The following USP48 variants were observed in gnomAD, a reference collection of about 807,000 sequenced individuals.
USP48 encodes ubiquitin specific peptidase 48.
USP48 carries 43 observed loss-of-function variants against 150.7 expected under a neutral mutation model. The observed-to-expected ratio is 0.29, with a 90% CI of 0.22 to 0.37. The LOEUF is 0.37. Among genes scored for constraint, USP48 ranks in the 10% least tolerant of loss-of-function variants. USP48 has a pLI of 1.00. For missense variants in USP48, 813 were observed against 1,249.6 expected (o/e 0.65, Z 5.27); for synonymous variants, 396 against 425.9 (o/e 0.93, Z 0.86).
At chr1:21,708,456 C>T (rs1467999434) in intron 15 of USP48, among the ~76,000 whole-genome samples, 1 of 152,064 alleles carries the variant, frequency 6.6e-6, no homozygotes, top group Admixed American at 6.5e-5. Flanking sequence ...CAAGATTGTG[C>T]CATTCCACTC....
intron 1 of USP48, among the ~76,000 whole-genome samples, chr1:21,780,556 A>T (rs2097911707): frequency 6.6e-6 from 1 of 152,016 alleles, no homozygotes; most frequent in South Asian, 2.1e-4. Context: ...TGTATTTCCC[A>T]GGTATTTTTT....
intron 15 of USP48, among the ~76,000 whole-genome samples, chr1:21,708,976 C>T (rs943284307): frequency 1.3e-5 from 2 of 151,158 alleles, no homozygotes; most frequent in African/African-American, 4.9e-5. Context: ...GTGGCACGAT[C>T]ATAGCTCACT....
At chr1:21,716,526 CTGCAGT>C in intron 14 of USP48, among the ~76,000 whole-genome samples, 1 of 152,316 alleles carries the variant, frequency 6.6e-6, no homozygotes, top group Non-Finnish European at 1.5e-5. Flanking sequence ...TATTTTCAGA[CTGCAGT>C]TCACTGCAGG....
intron 8 of USP48, among the ~76,000 whole-genome samples, chr1:21,741,519 TA>T (rs2097781658): frequency 6.6e-6 from 1 of 152,230 alleles, no homozygotes; most frequent in Non-Finnish European, 1.5e-5. Flanking sequence ...AGACCCTTAC[TA>T]AAAGAATTTT....
At chr1:21,752,338 C>T (rs988448636) in intron 5 of USP48, among the ~76,000 whole-genome samples, 189 bp downstream of exon 5, 2 of 152,194 alleles carry the variant, frequency 1.3e-5, no homozygotes, top group African/African-American at 4.8e-5. Context: ...TTCCTAACAC[C>T]TGGATGGGTG....
At chr1:21,705,869 C>A in intron 18 of USP48, 32 bp from the exon 19 acceptor site, 2 of 1,486,734 alleles carry the variant, frequency 1.3e-6, no homozygotes, top group South Asian at 2.5e-5. Context: ...GAGAAATATA[C>A]CTAATTACTG....
chr1:21,683,722 A>G (rs1008270002), intron 25 of USP48, among the ~76,000 whole-genome samples: 1 of 152,164 alleles, frequency 6.6e-6, no homozygotes, highest in Admixed American at 6.5e-5. Flanking sequence ...ACCCTACTGT[A>G]CTACTGAATA....
chr1:21,708,901 AAGAAAGAAAAGAAAAG>A (rs1557465830), intron 15 of USP48, among the ~76,000 whole-genome samples: 1 of 59,728 alleles, frequency 1.7e-5, no homozygotes. Flanking sequence ...AAAAAAAAAA[AAGAAAGAAAAGAAAAG>A]AAAAGAAAAG....
intron 12 of USP48, 80 bp downstream of exon 12, chr1:21,723,818 A>G: frequency 7.7e-7 from 1 of 1,299,112 alleles, no homozygotes; most frequent in Non-Finnish European, 1.1e-6. Context: ...TCAAATCATC[A>G]TAAGCCACAC....
At chr1:21,778,938 T>C (rs903132495) in intron 1 of USP48, among the ~76,000 whole-genome samples, 6 of 151,866 alleles carry the variant, frequency 4.0e-5, no homozygotes, top group African/African-American at 1.4e-4. Context: ...TCCGCCACCA[T>C]GCCCGGCTAA....
chr1:21,761,160 T>A (rs2097849054), intron 1 of USP48, among the ~76,000 whole-genome samples: 1 of 152,202 alleles, frequency 6.6e-6, no homozygotes, highest in African/African-American at 2.4e-5. Flanking sequence ...CCATGTTTTT[T>A]ATTTACAAAT....
intron 3 of USP48, 110 bp downstream of exon 3, chr1:21,756,436 G>C (rs1377492544): frequency 7.8e-7 from 1 of 1,290,292 alleles, no homozygotes; most frequent in East Asian, 2.7e-5. Flanking sequence ...AACCGAGATG[G>C]CGCCACTTCA....
chr1:21,689,132 G>A (rs2097588907), intron 24 of USP48, among the ~76,000 whole-genome samples: 1 of 150,864 alleles, frequency 6.6e-6, no homozygotes, highest in Admixed American at 6.6e-5. Flanking sequence ...GAAAAACTAT[G>A]AAAATCTCAG....
intron 15 of USP48, 57 bp downstream of exon 15, chr1:21,715,332 A>G (rs1053218619): frequency 7.3e-7 from 1 of 1,368,870 alleles, no homozygotes; most frequent in Non-Finnish European, 1.0e-6. Context: ...CAGGCAGTAG[A>G]AGCTAAAAGT....
chr1:21,748,305 G>A lies in USP48; in HGVS notation c.775-34C>T, dbSNP rs756856836. The A allele has an allele frequency of 7.0e-6, 11 of 1,576,348 alleles. No individual in the cohort carries two copies. The South Asian group carries it at 1.2e-4, about 17-fold the overall frequency. On this transcript the variant is annotated intron_variant, in intron 6 of 26. Coordinates refer to ENST00000308271, the MANE Select transcript of USP48 (RefSeq NM_032236.8). ...GAATAAGACATATTAATTTTAAAAAGAAGATGGGTTTAAAACAAGTGATAA... is the reference window on the plus strand; with the variant it reads ...GAATAAGACATATTAATTTTAAAAAAAAGATGGGTTTAAAACAAGTGATAA...
intron 12 of USP48, among the ~76,000 whole-genome samples, chr1:21,723,326 C>T (rs2097727107): frequency 6.6e-6 from 1 of 151,944 alleles, no homozygotes; most frequent in African/African-American, 2.4e-5. Flanking sequence ...TTGAGACCAG[C>T]CTGGGCAACA....
intron 22 of USP48, 58 bp downstream of exon 22, chr1:21,701,440 T>A: frequency 6.9e-7 from 1 of 1,440,514 alleles, no homozygotes; most frequent in Non-Finnish European, 9.7e-7. Context: ...GGGCTTCGAG[T>A]GGCTGCTCTA....
chr1:21,724,318 A>C (rs2097730364), intron 11 of USP48: 1 of 608,624 alleles, frequency 1.6e-6, no homozygotes, highest in South Asian at 2.0e-5. Flanking sequence ...GAGTCTGCAC[A>C]GTGCCCTATG....
At chr1:21,737,228 T>G (rs991924746) in intron 8 of USP48, among the ~76,000 whole-genome samples, 1 of 152,146 alleles carries the variant, frequency 6.6e-6, no homozygotes, top group African/African-American at 2.4e-5. Flanking sequence ...CACAGACACA[T>G]GTATCATCAC....
Sources: gnomAD v4.1 joint callset for allele counts (sites outside exome capture counted in the v4.1 genomes callset) on GRCh38, gnomAD v4.1.1 for gene constraint, MANE v1.5 for transcripts, NCBI Gene and HGNC (gene_info 2026-07-23, HGNC 2026-07-21) for gene names.